The following ABCA13 variants were observed in gnomAD, a reference collection of about 807,000 sequenced individuals.
ABCA13 encodes ATP binding cassette subfamily A member 13.
A neutral mutation model predicts 478.7 loss-of-function variants in ABCA13; 476 were observed. The observed-to-expected ratio is 0.99, with a 90% CI of 0.92 to 1.07. The LOEUF (loss-of-function observed/expected upper bound fraction) is 1.07. ABCA13 is among the 50% of genes least tolerant of loss of function. The pLI is 0.00. For missense variants in ABCA13, 6,060 were observed against 5,910.6 expected, an observed-to-expected ratio of 1.03 and a Z score of -0.83; for synonymous variants, 2,252 against 2,158.9, an observed-to-expected ratio of 1.04 and a Z score of -1.20.
At chr7:48,472,030 A>C (rs1476955350) in intron 45 of ABCA13, among the ~76,000 whole-genome samples, 1 of 152,210 alleles carries the variant, frequency 6.6e-6, no homozygotes, top group Non-Finnish European at 1.5e-5. Flanking sequence ...TTCTTACAAA[A>C]ACATGTGGAA....
intron 29 of ABCA13, among the ~76,000 whole-genome samples, chr7:48,342,754 A>G (rs1173804116): frequency 1.3e-5 from 2 of 152,046 alleles, no homozygotes; most frequent in Non-Finnish European, 2.9e-5. Flanking sequence ...TTCCTTTTCT[A>G]TATAATCCAA....
intron 58 of ABCA13, among the ~76,000 whole-genome samples, chr7:48,596,495 T>C (rs1790292311): frequency 6.6e-6 from 1 of 152,232 alleles, no homozygotes; most frequent in African/African-American, 2.4e-5. Context: ...CCCCAAATTT[T>C]CTCATGCTTA....
chr7:48,184,080 C>T (rs919559582), intron 1 of ABCA13, among the ~76,000 whole-genome samples: 4 of 152,144 alleles, frequency 2.6e-5, no homozygotes, highest in Non-Finnish European at 5.9e-5. Flanking sequence ...TCCAAAGTTC[C>T]TGTTTATGCA....
At chr7:48,471,392 G>GT in intron 44 of ABCA13, 138 bp from the exon 45 acceptor site, 1 of 737,638 alleles carries the variant, frequency 1.4e-6, no homozygotes, top group South Asian at 1.7e-5. Context: ...GAAAACAAAT[G>GT]TAAGAGCTCT....
chr7:48,323,725 T>A (rs1803869940), intron 27 of ABCA13, among the ~76,000 whole-genome samples: 1 of 152,180 alleles, frequency 6.6e-6, no homozygotes, highest in South Asian at 2.1e-4. Context: ...AGTGTATTAT[T>A]TTGAAGCCTG....
At chr7:48,333,236 T>G (rs1420313004) in intron 27 of ABCA13, among the ~76,000 whole-genome samples, 2 of 152,236 alleles carry the variant, frequency 1.3e-5, no homozygotes, top group African/African-American at 2.4e-5. Context: ...ACTGAGACCA[T>G]CTAGTGAGTT....
At chr7:48,595,454 G>A (rs545126051) in intron 58 of ABCA13, among the ~76,000 whole-genome samples, 1 of 152,308 alleles carries the variant, frequency 6.6e-6, no homozygotes, top group East Asian at 1.9e-4. Context: ...TTATGTTTAA[G>A]TAAAATATAC....
chr7:48,289,522 C>G (rs1798221152), intron 20 of ABCA13, among the ~76,000 whole-genome samples: 1 of 151,934 alleles, frequency 6.6e-6, no homozygotes, highest in Admixed American at 6.6e-5. Context: ...GCACGCCTGG[C>G]TAATTTTTTG....
At chr7:48,233,659 A>G (rs1789512287) in intron 7 of ABCA13, among the ~76,000 whole-genome samples, 1 of 152,238 alleles carries the variant, frequency 6.6e-6, no homozygotes, top group African/African-American at 2.4e-5. Context: ...GAACCAATAA[A>G]ATATTGTCGT....
At chr7:48,301,962 T>C (rs1800213754) in intron 23 of ABCA13, among the ~76,000 whole-genome samples, 1 of 152,226 alleles carries the variant, frequency 6.6e-6, no homozygotes, top group African/African-American at 2.4e-5. Context: ...AAAGCCACGT[T>C]ACCTTATTTG....
Position 48,455,069 on chromosome 7 carries a change from G to A in ABCA13, c.12598G>A (p.Gly4200Ser), listed in dbSNP as rs1055191423. Residue 4200 changes from glycine (G) to serine (S), a missense_variant, in exon 43 of 62, where the codon GGC (glycine) becomes AGC (serine). Around this residue, in one of 3 missense-constraint regions of ABCA13, gnomAD observed 1,627 missense variants for 1,571.0 expected, o/e 1.04. Coordinates refer to ENST00000435803, the MANE Select transcript of ABCA13 (RefSeq NM_152701.5). ...CCTAGCACGGCCCGCAACTGTGCAG[G>A]GCGTCCAGCTGCTCCGCGCACAAGT... ...GSLARPATVQGVQLLRAQVAA... is the reference protein window; with the variant it reads ...GSLARPATVQSVQLLRAQVAA... The A allele has an allele frequency of 6.5e-7, 1 of 1,540,970 alleles. No individual in the cohort carries two copies. Among genetic ancestry groups the A allele is most frequent in the Non-Finnish European group, 8.7e-7 (1 of 1,144,910 alleles).
chr7:48,587,333 A>G lies in ABCA13; in HGVS notation c.14640+45A>G, dbSNP rs748770123. The G allele has an allele frequency of 2.0e-6, 3 of 1,526,046 alleles. No individual in the cohort carries two copies. The South Asian group carries it at 3.8e-5, about 19-fold the overall frequency. 94.5% of individuals were successfully genotyped at this position (1,526,046 alleles called of 1,614,324 possible). A position where few individuals can be genotyped will look rare whatever the true frequency, so the allele number is the denominator to read the frequency against. ...TATCTTGGAGTAAGATACATATTGC[A>G]TATTGATTTATAAACTGATTTTAAG... On this transcript the variant is annotated intron_variant, in intron 57 of 61. Transcript: ENST00000435803.
rs865779223 is a variant in ABCA13, at chr7:48,314,053, T to C, written c.9682-179T>C. Among the ~76,000 whole-genome samples, 5 of 152,040 alleles carry C rather than the reference T, an allele frequency of 3.3e-5. No individual in the cohort carries two copies. In the South Asian group the frequency reaches 1.0e-3, roughly 32 times the overall value. On this transcript the variant is annotated intron_variant, in intron 25 of 61. Transcript: ENST00000435803. ...TACCAGGTATGTTGGCCAGAAAAGTTACCGTAGTGTTTCAAATGGTATCCC... is the reference window on the plus strand; with the variant it reads ...TACCAGGTATGTTGGCCAGAAAAGTCACCGTAGTGTTTCAAATGGTATCCC...
chr7:48,587,248 C>T lies in ABCA13; in HGVS notation c.14600C>T (p.Thr4867Ile), dbSNP rs747385635. Residue 4867 changes from threonine to isoleucine, a missense_variant, in exon 57 of 62, where the codon ACA (threonine) becomes ATA (isoleucine). By Grantham distance (89) the Thr-to-Ile change is moderately conservative (BLOSUM62 -1). Coordinates refer to ENST00000435803, the MANE Select transcript of ABCA13 (RefSeq NM_152701.5). ...GGGGGAACCAAGCGGAAACTCTCTACAGCCCTGGCCCTGGTGGGGAAACCT... is the reference window on the plus strand; with the variant it reads ...GGGGGAACCAAGCGGAAACTCTCTATAGCCCTGGCCCTGGTGGGGAAACCT... ...YSGGTKRKLS[T>I]ALALVGKPDI... 3 of 1,611,624 alleles carry T rather than the reference C, an allele frequency of 1.9e-6. No homozygotes were observed. The highest frequency in any genetic ancestry group is 2.5e-6 in the Non-Finnish European group (3 of 1,178,870).
At chr7:48,364,468 G>T (rs1373998341) in intron 31 of ABCA13, among the ~76,000 whole-genome samples, 2 of 152,096 alleles carry the variant, frequency 1.3e-5, no homozygotes, top group African/African-American at 4.8e-5. Context: ...ACAAGTTATT[G>T]TTAAGTACAG....
chr7:48,351,340 G>A (rs1429742255), intron 30 of ABCA13, among the ~76,000 whole-genome samples: 1 of 152,188 alleles, frequency 6.6e-6, no homozygotes, highest in Admixed American at 6.5e-5. Context: ...TTTAATTGAG[G>A]TTTTGTATTA....
In ABCA13 at chr7:48,185,786, C is replaced by T. The variant is rs186842032; in HGVS notation, c.70-7173C>T. 5.7e-3 allele frequency among the ~76,000 whole-genome samples: 867 copies of T among 152,080 alleles called. 12 individuals carry two copies. The highest frequency in any genetic ancestry group is 0.02 in the African/African-American group (820 of 41,528). On this transcript the variant is annotated intron_variant, in intron 1 of 61. Transcript: ENST00000435803. ...TTGAGGTAGGTATTGGATTCTCCTT[C>T]TATGAAGGTAAATTCAGAATTTTCT...
intron 45 of ABCA13, among the ~76,000 whole-genome samples, chr7:48,480,334 T>C (rs1828629767): frequency 6.6e-6 from 1 of 152,244 alleles, no homozygotes; most frequent in Admixed American, 6.5e-5. Flanking sequence ...TTTCAGTGAT[T>C]GGCTTTCTGT....
intron 35 of ABCA13, among the ~76,000 whole-genome samples, chr7:48,382,337 C>G (rs992780653): frequency 1.3e-5 from 2 of 152,172 alleles, no homozygotes; most frequent in Non-Finnish European, 2.9e-5. Context: ...TCCCCAACTC[C>G]AAAATGTCTA....
Sources: gnomAD v4.1 joint callset for allele counts (sites outside exome capture counted in the v4.1 genomes callset) on GRCh38, gnomAD v4.1.1 for gene constraint, gnomAD v4.1.1 regional missense constraint, MANE v1.5 for transcripts, NCBI Gene and HGNC (gene_info 2026-07-23, HGNC 2026-07-21) for gene names.